Variants in KCNH7 observed in about 807,000 individuals in gnomAD.
KCNH7 encodes the protein potassium voltage-gated channel subfamily H member 7.
Under a neutral mutation model 120.8 loss-of-function variants are expected in KCNH7, and 49 were observed. The ratio of observed to expected loss-of-function variants is 0.41; its 90% CI spans 0.32 to 0.51. KCNH7 has a LOEUF of 0.51. Ranked by LOEUF, KCNH7 falls within the 20% of genes least tolerant of loss-of-function variation. The pLI, the probability that KCNH7 is intolerant of heterozygous loss-of-function variation, is 0.38. For synonymous variants in KCNH7, 547 were observed against 516.1 expected, an observed-to-expected ratio of 1.06 and a Z score of -0.81; for missense variants, 1,097 against 1,446.6, an observed-to-expected ratio of 0.76 and a Z score of 3.92.
Position 162,632,312 on chromosome 2 carries a change from G to A in KCNH7, c.308-95232C>T, listed in dbSNP as rs1683800871. On this transcript the variant is annotated intron_variant, in intron 2 of 15. Coordinates refer to ENST00000332142, the MANE Select transcript of KCNH7 (RefSeq NM_033272.4). ...CTTGAGAATGAAATTATAAAGGAAG[G>A]TGTATGCCTAGATGGAGAAAGCTGC... Among the ~76,000 whole-genome samples, 3 of 152,052 alleles carry A rather than the reference G, an allele frequency of 2.0e-5. No homozygotes were observed. In the South Asian group the frequency reaches 6.2e-4, roughly 31 times the overall value.
intron 6 of KCNH7, among the ~76,000 whole-genome samples, chr2:162,452,928 C>T (rs763149734): frequency 8.6e-5 from 13 of 151,798 alleles, no homozygotes; most frequent in Non-Finnish European, 1.5e-4. Context: ...AAAGTTTCCT[C>T]TCTCTCTCTT....
chr2:162,831,069 C>A (rs1313845238), intron 2 of KCNH7, among the ~76,000 whole-genome samples: 1 of 152,130 alleles, frequency 6.6e-6, no homozygotes, highest in Non-Finnish European at 1.5e-5. Context: ...GATATAGGTA[C>A]ATCGAGTAGC....
chr2:162,491,246 T>G (rs1374036344), intron 6 of KCNH7, among the ~76,000 whole-genome samples: 1 of 152,098 alleles, frequency 6.6e-6, no homozygotes, highest in Non-Finnish European at 1.5e-5. Flanking sequence ...GAGCTAGAGG[T>G]TTTTCCCCCA....
At chr2:162,812,817 C>T (rs1046081646) in intron 2 of KCNH7, among the ~76,000 whole-genome samples, 1 of 151,962 alleles carries the variant, frequency 6.6e-6, no homozygotes, top group South Asian at 2.1e-4. Context: ...AAAGACATTG[C>T]GTTATCAAGA....
Position 162,766,782 on chromosome 2 carries a change from C to T in KCNH7, c.307+69755G>A, listed in dbSNP as rs10497227. The stretch of plus-strand genomic sequence containing the variant: ...CTCTTTCCCAGCTGTAATGCAGAAA[C>T]TGAGCTACTTCTCCAGAGAAGATTT... On this transcript the variant is annotated intron_variant, in intron 2 of 15. Coordinates refer to ENST00000332142, the MANE Select transcript of KCNH7 (RefSeq NM_033272.4). Among the ~76,000 whole-genome samples, 2,119 of 151,872 alleles carry T rather than the reference C, an allele frequency of 0.014. 82 individuals are homozygous for T. The East Asian group carries it at 0.15, about 11-fold the overall frequency.
At chr2:162,520,057 TA>T (rs1215935818) in intron 3 of KCNH7, among the ~76,000 whole-genome samples, 2 of 151,592 alleles carry the variant, frequency 1.3e-5, no homozygotes, top group African/African-American at 2.4e-5. Flanking sequence ...TCCAAACCTG[TA>T]TTGTATATCT....
intron 14 of KCNH7, among the ~76,000 whole-genome samples, chr2:162,378,417 TCAA>T (rs1464475473): frequency 3.9e-5 from 6 of 152,172 alleles, no homozygotes; most frequent in Non-Finnish European, 7.4e-5. Flanking sequence ...ACTTGTGTGT[TCAA>T]CAACAATAAA....
chr2:162,569,840 T>C (rs1487148230), intron 2 of KCNH7, among the ~76,000 whole-genome samples: 2 of 124,554 alleles, frequency 1.6e-5, no homozygotes, highest in Non-Finnish European at 3.3e-5. Flanking sequence ...TTGAGTGGTT[T>C]TGAGTGAGAT....
At chr2:162,721,835 T>C (rs1412210709) in intron 2 of KCNH7, among the ~76,000 whole-genome samples, 1 of 151,948 alleles carries the variant, frequency 6.6e-6, no homozygotes, top group African/African-American at 2.4e-5. Context: ...AAAAAGAAAA[T>C]CAGAGCTATG....
chr2:162,577,488 A>T (rs1693727841), intron 2 of KCNH7, among the ~76,000 whole-genome samples: 2 of 151,936 alleles, frequency 1.3e-5, no homozygotes, highest in Non-Finnish European at 2.9e-5. Flanking sequence ...CTCGTTACAG[A>T]AACTGGCCTT....
At chr2:162,614,437 T>C (rs1339599854) in intron 2 of KCNH7, among the ~76,000 whole-genome samples, 2 of 152,110 alleles carry the variant, frequency 1.3e-5, no homozygotes, top group East Asian at 3.9e-4. Context: ...TAGCACCGTT[T>C]GTTACTGTAA....
intron 9 of KCNH7, among the ~76,000 whole-genome samples, chr2:162,416,684 G>A (rs1000796819): frequency 6.6e-6 from 1 of 152,118 alleles, no homozygotes; most frequent in Non-Finnish European, 1.5e-5. Flanking sequence ...AGGGAAGAAT[G>A]AATGACAGCA....
At chr2:162,730,894 G>A (rs1319643990) in intron 2 of KCNH7, among the ~76,000 whole-genome samples, 15 of 151,952 alleles carry the variant, frequency 9.9e-5, no homozygotes, top group Admixed American at 9.8e-4. Context: ...AACAGAAAGG[G>A]CAGGCAGGCA....
Position 162,536,653 on chromosome 2 carries a change from C to A in KCNH7, c.463+272G>T, listed in dbSNP as rs1013782547. 2.0e-5 allele frequency among the ~76,000 whole-genome samples: 3 copies of A among 151,892 alleles called. No individual in the cohort carries two copies. In the East Asian group the frequency reaches 5.8e-4, roughly 29 times the overall value. On this transcript the variant is annotated intron_variant, in intron 3 of 15. Coordinates refer to ENST00000332142, the MANE Select transcript of KCNH7 (RefSeq NM_033272.4). ...GAATTTACTCTGGCATTATTTGTAA[C>A]AGACAAAGTTTGAAAACAACCTAAA...
rs148731444 is a variant in KCNH7, at chr2:162,641,375, T to C, written c.308-104295A>G. ...AAACCTGAGTTAATATGCAGAAAAT[T>C]AAGCTGACTGAAAAAAGCCACTACT... On this transcript the variant is annotated intron_variant, in intron 2 of 15. Transcript: ENST00000332142. Among the ~76,000 whole-genome samples, 873 of 152,148 alleles carry C rather than the reference T, an allele frequency of 5.7e-3. 8 individuals carry two copies. Among genetic ancestry groups the C allele is most frequent in the African/African-American group, 0.02 (824 of 41,518 alleles).
chr2:162,463,817 A>C (rs1311771754), intron 6 of KCNH7, among the ~76,000 whole-genome samples: 1 of 151,760 alleles, frequency 6.6e-6, no homozygotes, highest in African/African-American at 2.4e-5. Flanking sequence ...AAAAGTAAAA[A>C]AAAAAAAAGC....
At chr2:162,783,502 G>A (rs1683581439) in intron 2 of KCNH7, among the ~76,000 whole-genome samples, 1 of 152,164 alleles carries the variant, frequency 6.6e-6, no homozygotes, top group Non-Finnish European at 1.5e-5. Flanking sequence ...TTTCAGGAAG[G>A]CTTTTCTGTA....
At chr2:162,504,944 A>C (rs1365231287) in intron 5 of KCNH7, among the ~76,000 whole-genome samples, 1 of 151,978 alleles carries the variant, frequency 6.6e-6, no homozygotes, top group Non-Finnish European at 1.5e-5. Context: ...AAAAGAAAAA[A>C]CTACACTCTC....
intron 2 of KCNH7, among the ~76,000 whole-genome samples, chr2:162,541,768 T>A (rs1423562729): frequency 1.3e-5 from 2 of 152,014 alleles, no homozygotes; most frequent in Non-Finnish European, 2.9e-5. Flanking sequence ...GACAGAATGA[T>A]CTCTGCAGCA....
Sources: allele counts gnomAD v4.1 joint callset (sites outside exome capture counted in the v4.1 genomes callset), GRCh38; gene constraint gnomAD v4.1.1; transcripts MANE v1.5; gene names NCBI Gene and HGNC (gene_info 2026-07-23, HGNC 2026-07-21).